The following ASAH2 variants were observed in gnomAD, a reference collection of about 807,000 sequenced individuals.
The protein encoded by ASAH2 is N-acylsphingosine amidohydrolase 2, also known as neutral ceramidase.
ASAH2 carries 58 observed loss-of-function variants against 82.9 expected under a neutral mutation model. That is an observed-to-expected ratio of 0.70 (90% CI 0.57 to 0.87). The LOEUF (loss-of-function observed/expected upper bound fraction) is 0.87. Ranked by LOEUF, ASAH2 falls within the 40% of genes least tolerant of loss-of-function variation. The pLI, the probability that ASAH2 is intolerant of heterozygous loss-of-function variation, is 0.00. For synonymous variants in ASAH2, 276 were observed against 289.7 expected (o/e 0.95, Z 0.48); for missense variants, 779 against 834.0 (o/e 0.93, Z 0.81).
chr10:50,238,788 C>G (rs1846221945), intron 4 of ASAH2, among the ~76,000 whole-genome samples: 1 of 152,068 alleles, frequency 6.6e-6, no homozygotes, highest in South Asian at 2.1e-4. Context: ...AAGAATCAAG[C>G]CCTTAAGAAG....
chr10:50,203,494 G>A, intron 15 of ASAH2, 146 bp downstream of exon 15: 1 of 792,568 alleles, frequency 1.3e-6, no homozygotes, highest in Non-Finnish European at 2.2e-6. Flanking sequence ...TTTAAGTCTG[G>A]TTCTTATACT....
intron 4 of ASAH2, among the ~76,000 whole-genome samples, chr10:50,242,524 A>C (rs1307152308): frequency 6.6e-6 from 1 of 152,218 alleles, no homozygotes; most frequent in Non-Finnish European, 1.5e-5. Context: ...TAGTGACCTG[A>C]TTCCATGCAG....
chr10:50,208,656 T>TA (rs1380590356), intron 12 of ASAH2, among the ~76,000 whole-genome samples: 1 of 152,080 alleles, frequency 6.6e-6, no homozygotes, highest in East Asian at 1.9e-4. Flanking sequence ...TGAAAAAAAT[T>TA]AAAGAGGGTC....
At chr10:50,203,607 A>G (rs1845218601) in intron 15 of ASAH2, 33 bp downstream of exon 15, 9 of 1,348,790 alleles carry the variant, frequency 6.7e-6, no homozygotes, top group Non-Finnish European at 8.4e-6. Flanking sequence ...CCAAACATGA[A>G]CATGTAGATA....
rs185072059 is a variant in ASAH2 at position 50,251,503 on chromosome 10, T to C, written c.-145A>G. ...TGCTGGGCTTACACCTCTCAGCACT[T>C]TCTGAAACCTACTGAGAAAAATTTT... On this transcript the variant is annotated 5_prime_UTR_variant, in exon 1 of 21. Coordinates refer to ENST00000682911, the MANE Select transcript of ASAH2 (RefSeq NM_019893.4). Among the ~76,000 whole-genome samples the C allele has an allele frequency of 2.6e-4, 40 of 152,318 alleles. No individual in the cohort carries two copies. The East Asian group carries it at 6.4e-3, about 24-fold the overall frequency.
intron 7 of ASAH2, among the ~76,000 whole-genome samples, chr10:50,222,986 T>C (rs1274859794): frequency 6.6e-6 from 1 of 152,186 alleles, no homozygotes; most frequent in Non-Finnish European, 1.5e-5. Context: ...ATAATGCTTA[T>C]GTCACAGCTA....
chr10:50,233,855 A>C (rs957054366), intron 6 of ASAH2, among the ~76,000 whole-genome samples: 17 of 152,230 alleles, frequency 1.1e-4, no homozygotes, highest in African/African-American at 3.6e-4. Flanking sequence ...AAAGACAAAA[A>C]GGCAAAATAA....
At chr10:50,243,814 G>C (rs1422050915) in intron 3 of ASAH2, among the ~76,000 whole-genome samples, 6 of 152,134 alleles carry the variant, frequency 3.9e-5, no homozygotes, top group Non-Finnish European at 8.8e-5. Context: ...GCTTTCCCAT[G>C]TTTGTTGTTT....
intron 9 of ASAH2, 95 bp from the exon 10 acceptor site, chr10:50,213,153 A>G: frequency 8.8e-7 from 1 of 1,141,494 alleles, no homozygotes; most frequent in East Asian, 2.3e-5. Flanking sequence ...ATAGATTTTT[A>G]AAACCACATT....
intron 4 of ASAH2, among the ~76,000 whole-genome samples, chr10:50,238,360 C>T (rs1419100227): frequency 1.3e-5 from 2 of 152,164 alleles, no homozygotes; most frequent in Non-Finnish European, 2.9e-5. Context: ...ATTAACCTCT[C>T]CTTGTCCCAA....
chr10:50,212,182 A>AACACACACACACACACAC (rs3837301), intron 10 of ASAH2, among the ~76,000 whole-genome samples: 3 of 147,016 alleles, frequency 2.0e-5, no homozygotes, highest in South Asian at 2.2e-4. Context: ...AAACTATTTA[A>AACACACACACACACACAC]ACACACACAC....
intron 2 of ASAH2, among the ~76,000 whole-genome samples, chr10:50,247,419 T>C (rs2813309): frequency 0.29 from 44,512 of 151,512 alleles, 6,794 homozygotes; most frequent in Non-Finnish European, 0.31. Flanking sequence ...CCTACCTTGG[T>C]CCCCCAAAGT....
Position 50,243,252 on chromosome 10 carries a change from C to T in ASAH2, c.460G>A (p.Val154Met), listed in dbSNP as rs1360257970. The change falls in exon 4 of 21, where the codon GTG (valine) becomes ATG (methionine). Residue 154 changes from valine to methionine, a missense_variant. Physicochemically the swap from Val to Met is conservative, Grantham distance 21. Around this residue, in one of 3 missense-constraint regions of ASAH2, gnomAD observed 759 missense variants for 755.2 expected, o/e 1.00. Transcript: ENST00000682911. ...MAEPDGSNRT[V>M]FVSIDIGMVS... ...ATGCCTATGTCGATGCTGACAAACA[C>T]TGTTCGATTGGACCCATCAGGTTCT... 1.2e-6 allele frequency: 2 copies of T among 1,614,006 alleles called. No homozygotes were observed. The highest frequency in any genetic ancestry group is 2.7e-5 in the African/African-American group (2 of 74,924).
At chr10:50,210,675 G>T in intron 12 of ASAH2, 148 bp downstream of exon 12, 1 of 766,744 alleles carries the variant, frequency 1.3e-6, no homozygotes, top group Non-Finnish European at 2.3e-6. Context: ...CAGCGGGTGC[G>T]GTACATGGTC....
intron 8 of ASAH2, among the ~76,000 whole-genome samples, chr10:50,216,875 CTTCTT>C (rs1281494609): frequency 3.3e-5 from 5 of 152,326 alleles, no homozygotes; most frequent in African/African-American, 1.2e-4. Context: ...AGAAAACTCT[CTTCTT>C]TTCCCTAAAA....
intron 5 of ASAH2, among the ~76,000 whole-genome samples, 192 bp downstream of exon 5, chr10:50,235,696 C>G (rs1297742208): frequency 6.6e-6 from 1 of 152,034 alleles, no homozygotes; most frequent in African/African-American, 2.4e-5. Context: ...TCCAATCATC[C>G]ATGCCTCATC....
chr10:50,223,508 C>T (rs1042068168), intron 7 of ASAH2, among the ~76,000 whole-genome samples: 1 of 152,120 alleles, frequency 6.6e-6, no homozygotes, highest in Admixed American at 6.6e-5. Context: ...CCTCCCCGAC[C>T]TAAACGCCCA....
At chr10:50,218,446 A>C (rs1304267947) in intron 8 of ASAH2, 64 bp downstream of exon 8, 18 of 1,609,162 alleles carry the variant, frequency 1.1e-5, no homozygotes, top group Non-Finnish European at 1.4e-5. Flanking sequence ...ACCTCTTCTG[A>C]ATGCAGCATG....
In ASAH2 at chr10:50,248,497, A is replaced by G. The variant is rs1332408472; in HGVS notation, c.114T>C (p.Ile38=). The change falls in exon 2 of 21, where the codon ATT becomes ATC. Residue 38 remains isoleucine, a synonymous_variant. Coordinates refer to ENST00000682911, the MANE Select transcript of ASAH2 (RefSeq NM_019893.4). ...CATGACACTTGCCTTTGTGGTTTTCAATGGTCCCACTGGTGATAAACAAGA... is the reference window on the plus strand; with the variant it reads ...CATGACACTTGCCTTTGTGGTTTTCGATGGTCCCACTGGTGATAAACAAGA... The part of the protein sequence containing the change: ...LSLLFITSGT[I]ENHKDLGGHF... The G allele has an allele frequency of 2.5e-6, 4 of 1,613,716 alleles. No individual in the cohort carries two copies. The Admixed American group carries it at 5.0e-5, about 20-fold the overall frequency.
Sources: gnomAD v4.1 joint callset for allele counts (sites outside exome capture counted in the v4.1 genomes callset) on GRCh38, gnomAD v4.1.1 for gene constraint, gnomAD v4.1.1 regional missense constraint, MANE v1.5 for transcripts, NCBI Gene and HGNC (gene_info 2026-07-23, HGNC 2026-07-21) for gene names.